The following DIP2C variants were observed in gnomAD, a reference collection of about 807,000 sequenced individuals.
DIP2C encodes DIP2 acetate--CoA ligase C (putative), also known as disco-interacting protein 2 homolog C.
In DIP2C, 33 loss-of-function variants were observed where a neutral mutation model predicts 192.4. That is an observed-to-expected ratio of 0.17 (90% CI 0.13 to 0.23). DIP2C has a LOEUF of 0.23. Among genes scored for constraint, DIP2C ranks in the 10% least tolerant of loss-of-function variants. DIP2C has a pLI of 1.00. For synonymous variants in DIP2C, 979 were observed against 864.1 expected (o/e 1.13, Z -2.33); for missense variants, 1,537 against 2,110.1 (o/e 0.73, Z 5.32).
intron 1 of DIP2C, among the ~76,000 whole-genome samples, chr10:644,167 G>C (rs367979273): frequency 6.6e-6 from 1 of 152,216 alleles, no homozygotes; most frequent in African/African-American, 2.4e-5. Flanking sequence ...AGGCTGTCCT[G>C]AAGTCCAGGA....
At chr10:496,950 C>G (rs1265799229) in intron 1 of DIP2C, among the ~76,000 whole-genome samples, 2 of 152,174 alleles carry the variant, frequency 1.3e-5, no homozygotes, top group African/African-American at 2.4e-5. Flanking sequence ...CGGTGAAACT[C>G]CATCTCTAGT....
intron 20 of DIP2C, 64 bp downstream of exon 20, chr10:364,310 C>G (rs1466295485): frequency 1.9e-6 from 3 of 1,556,334 alleles, no homozygotes; most frequent in Non-Finnish European, 2.6e-6. Context: ...TTCAACCCTT[C>G]AAAACCACAT....
At chr10:621,695 C>T (rs529585197) in intron 1 of DIP2C, among the ~76,000 whole-genome samples, 1 of 152,276 alleles carries the variant, frequency 6.6e-6, no homozygotes, top group South Asian at 2.1e-4. Flanking sequence ...CTCCATCCTC[C>T]CACGTGGATC....
intron 34 of DIP2C, among the ~76,000 whole-genome samples, chr10:284,984 G>A (rs999516697): frequency 1.3e-5 from 2 of 152,076 alleles, no homozygotes; most frequent in African/African-American, 2.4e-5. Flanking sequence ...CCTACGTCTC[G>A]GGCAGCACCC....
intron 1 of DIP2C, chr10:665,442 G>A (rs1015112551): frequency 1.3e-5 from 2 of 152,068 alleles, no homozygotes; most frequent in Admixed American, 6.6e-5. Context: ...CCAGTAACGC[G>A]ATCATCTAGC....
chr10:669,649 CTT>C (rs1185529600), intron 1 of DIP2C: 2 of 152,212 alleles, frequency 1.3e-5, no homozygotes, highest in Non-Finnish European at 2.9e-5. Flanking sequence ...ATCTAAAATA[CTT>C]AAACTGGCAA....
intron 5 of DIP2C, among the ~76,000 whole-genome samples, chr10:421,973 A>G (rs1195852383): frequency 6.6e-6 from 1 of 152,188 alleles, no homozygotes; most frequent in Non-Finnish European, 1.5e-5. Flanking sequence ...AGAAGTGAAC[A>G]TTCTGGGGTT....
At chr10:385,597 T>C (rs1248429100) in intron 14 of DIP2C, among the ~76,000 whole-genome samples, 1 of 152,208 alleles carries the variant, frequency 6.6e-6, no homozygotes, top group Non-Finnish European at 1.5e-5. Context: ...CGGGCCTTGC[T>C]GCGGCAGATT....
intron 29 of DIP2C, among the ~76,000 whole-genome samples, chr10:337,800 C>CAGCTGTGT (rs1564577014): frequency 8.2e-6 from 1 of 122,546 alleles, no homozygotes; most frequent in Non-Finnish European, 1.7e-5. Context: ...TGTGTGTGCA[C>CAGCTGTGT]GTGTGTCGTG....
intron 24 of DIP2C, among the ~76,000 whole-genome samples, chr10:353,211 A>G (rs1263142810): frequency 6.6e-6 from 1 of 152,186 alleles, no homozygotes; most frequent in Admixed American, 6.5e-5. Context: ...GTCTAAGGAC[A>G]CACATTCACT....
intron 5 of DIP2C, 23 bp from the exon 6 acceptor site, chr10:419,222 A>G: frequency 6.2e-7 from 1 of 1,613,870 alleles, no homozygotes; most frequent in Non-Finnish European, 8.5e-7. Flanking sequence ...ACATCATGAG[A>G]TTTTCTGGTG....
chr10:326,345 C>G (rs1355951709), intron 31 of DIP2C, among the ~76,000 whole-genome samples: 1 of 152,106 alleles, frequency 6.6e-6, no homozygotes, highest in Non-Finnish European at 1.5e-5. Flanking sequence ...GAGGCTCACC[C>G]AGCAGCAACC....
intron 1 of DIP2C, among the ~76,000 whole-genome samples, chr10:487,003 G>GA: frequency 6.6e-6 from 1 of 152,202 alleles, no homozygotes; most frequent in South Asian, 2.1e-4. Context: ...CAGTGTTTTT[G>GA]AAAAAGGAGT....
At chr10:568,154 C>T (rs1400224146) in intron 1 of DIP2C, among the ~76,000 whole-genome samples, 1 of 152,184 alleles carries the variant, frequency 6.6e-6, no homozygotes. Flanking sequence ...CCACCAAGCC[C>T]CCAAAAGGGA....
intron 1 of DIP2C, among the ~76,000 whole-genome samples, chr10:620,832 G>A (rs1358839338): frequency 2.0e-5 from 3 of 152,184 alleles, no homozygotes; most frequent in Non-Finnish European, 1.5e-5. Context: ...TTATTTCAAC[G>A]TTTAGTGGTA....
intron 1 of DIP2C, among the ~76,000 whole-genome samples, chr10:487,566 T>TG (rs1844106078): frequency 1.0e-5 from 1 of 99,774 alleles, no homozygotes; most frequent in Non-Finnish European, 2.0e-5. Flanking sequence ...CATCAATGAG[T>TG]GTTTTTTTTT....
intron 3 of DIP2C, among the ~76,000 whole-genome samples, chr10:449,437 A>C (rs560608596): frequency 5.9e-5 from 9 of 152,256 alleles, no homozygotes; most frequent in African/African-American, 2.2e-4. Context: ...TATTATACAT[A>C]ATACTGCTTG....
At chr10:511,245 T>TCA (rs2130771228) in intron 1 of DIP2C, among the ~76,000 whole-genome samples, 1 of 152,280 alleles carries the variant, frequency 6.6e-6, no homozygotes, top group Admixed American at 6.5e-5. Flanking sequence ...CAAACTCGCC[T>TCA]CAATCAAGGG....
chr10:431,091 A>G (rs1438973468), intron 4 of DIP2C, among the ~76,000 whole-genome samples: 1 of 152,314 alleles, frequency 6.6e-6, no homozygotes, highest in East Asian at 1.9e-4. Flanking sequence ...CACCAATACC[A>G]CACTGTCTGG....
Sources: allele counts gnomAD v4.1 joint callset (sites outside exome capture counted in the v4.1 genomes callset), GRCh38; gene constraint gnomAD v4.1.1; transcripts MANE v1.5; gene names NCBI Gene and HGNC (gene_info 2026-07-23, HGNC 2026-07-21).